TANGO6: variants seen among roughly 807,000 people sequenced by gnomAD.
The protein encoded by TANGO6 is transport and Golgi organization protein 6 homolog.
Under a neutral mutation model 114.2 loss-of-function variants are expected in TANGO6, and 90 were observed. That is an observed-to-expected ratio of 0.79 (90% confidence interval 0.66 to 0.94). The LOEUF (loss-of-function observed/expected upper bound fraction) is 0.94, where lower values mean the gene tolerates loss of function less well. Ranked by LOEUF, TANGO6 falls within the 40% of genes least tolerant of loss-of-function variation. TANGO6 has a pLI of 0.00. For synonymous variants in TANGO6, 477 were observed against 509.8 expected, an observed-to-expected ratio of 0.94 and a Z score of 0.87; for missense variants, 1,274 against 1,315.3, an observed-to-expected ratio of 0.97 and a Z score of 0.49.
intron 7 of TANGO6, among the ~76,000 whole-genome samples, chr16:68,891,111 G>C (rs1430344194): frequency 1.3e-5 from 2 of 151,462 alleles, no homozygotes; most frequent in Non-Finnish European, 2.9e-5. Context: ...GGCCAACGTG[G>C]TGAAACCCCA....
At chr16:68,970,299 AT>A (rs937979505) in intron 14 of TANGO6, among the ~76,000 whole-genome samples, 3 of 152,208 alleles carry the variant, frequency 2.0e-5, no homozygotes, top group Non-Finnish European at 2.9e-5. Context: ...TCCAGAGCTC[AT>A]TTGGCCAGGA....
chr16:68,946,540 T>C (rs142855511), intron 14 of TANGO6, among the ~76,000 whole-genome samples: 1 of 152,132 alleles, frequency 6.6e-6, no homozygotes, highest in Non-Finnish European at 1.5e-5. Context: ...CAAGTTGGTG[T>C]GTAGTGGTGC....
At chr16:68,916,992 C>T (rs754980592) in intron 11 of TANGO6, among the ~76,000 whole-genome samples, 15 of 152,160 alleles carry the variant, frequency 9.9e-5, no homozygotes, top group Non-Finnish European at 1.8e-4. Context: ...ATTTGCAATG[C>T]CCTGTATCTA....
At chr16:69,053,062 C>G (rs1330624534) in intron 17 of TANGO6, among the ~76,000 whole-genome samples, 1 of 152,022 alleles carries the variant, frequency 6.6e-6, no homozygotes, top group Non-Finnish European at 1.5e-5. Flanking sequence ...GAGCCGAGAT[C>G]GTGCCACTGT....
intron 17 of TANGO6, among the ~76,000 whole-genome samples, chr16:69,063,036 T>C (rs1960148097): frequency 6.6e-6 from 1 of 151,742 alleles, no homozygotes; most frequent in African/African-American, 2.4e-5. Flanking sequence ...GAGACCAACC[T>C]GGCCAACATG....
Position 69,084,850 on chromosome 16 carries a change from C to A in TANGO6, c.*1189C>A, listed in dbSNP as rs1960514482. ...CTCGAGTGACTGAAGGATCTATACA[C>A]AAACATGGCTATTTGCTAGTTAACA... On this transcript the variant is annotated 3_prime_UTR_variant, in exon 18 of 18. Transcript: ENST00000261778. The A allele has an allele frequency of 6.6e-6, 1 of 152,342 alleles. No homozygotes were observed. The highest frequency in any genetic ancestry group is 1.5e-5 in the Non-Finnish European group (1 of 68,036). 9.4% of individuals were successfully genotyped at this position (152,342 alleles called of 1,614,324 possible).
At chr16:68,929,956 A>G (rs1454078779) in intron 13 of TANGO6, among the ~76,000 whole-genome samples, 2 of 152,200 alleles carry the variant, frequency 1.3e-5, no homozygotes, top group African/African-American at 2.4e-5. Context: ...GTTATTCACC[A>G]TGGCTGTCAT....
At chr16:68,963,000 A>C (rs1331392907) in intron 14 of TANGO6, among the ~76,000 whole-genome samples, 1 of 150,194 alleles carries the variant, frequency 6.7e-6, no homozygotes, top group African/African-American at 2.4e-5. Flanking sequence ...AGGCTGAGGC[A>C]GGAGAATGCC....
At chr16:68,887,278 A>G (rs577354185) in intron 7 of TANGO6, among the ~76,000 whole-genome samples, 3 of 152,296 alleles carry the variant, frequency 2.0e-5, no homozygotes, top group African/African-American at 4.8e-5. Context: ...CACCATTGCC[A>G]CCACCCACCC....
At chr16:69,080,729 A>G (rs1490369357) in intron 17 of TANGO6, among the ~76,000 whole-genome samples, 2 of 152,186 alleles carry the variant, frequency 1.3e-5, no homozygotes, top group Non-Finnish European at 2.9e-5. Context: ...TTTTCAATAA[A>G]AATAAAAAAT....
intron 1 of TANGO6, among the ~76,000 whole-genome samples, chr16:68,855,858 C>T (rs957016141): frequency 6.7e-6 from 1 of 149,682 alleles, no homozygotes; most frequent in African/African-American, 2.5e-5. Flanking sequence ...GCACTCTAGC[C>T]TTGACAGAGC....
intron 8 of TANGO6, 121 bp downstream of exon 8, chr16:68,900,667 G>A (rs540668175): frequency 1.2e-6 from 1 of 807,862 alleles, no homozygotes; most frequent in African/African-American, 1.7e-5. Flanking sequence ...TTCAAAGTCA[G>A]GAAAACACTG....
intron 12 of TANGO6, among the ~76,000 whole-genome samples, chr16:68,920,189 CTG>C (rs1728256766): frequency 6.6e-6 from 1 of 152,194 alleles, no homozygotes; most frequent in Non-Finnish European, 1.5e-5. Context: ...CACTAAATGA[CTG>C]TTCAGAAATG....
At chr16:68,930,179 C>A in intron 13 of TANGO6, 59 bp from the exon 14 acceptor site, 1 of 1,419,288 alleles carries the variant, frequency 7.0e-7, no homozygotes, top group Non-Finnish European at 9.7e-7. Context: ...GATAAGGGAG[C>A]CTCTTAAATC....
chr16:68,967,122 C>T (rs1017808671), intron 14 of TANGO6, among the ~76,000 whole-genome samples: 2 of 152,084 alleles, frequency 1.3e-5, no homozygotes, highest in Non-Finnish European at 2.9e-5. Context: ...GGCTGTGTTG[C>T]CCAGGCTGGA....
At chr16:68,879,119 TAGAA>T (rs758670003) in intron 6 of TANGO6, among the ~76,000 whole-genome samples, 3 of 152,068 alleles carry the variant, frequency 2.0e-5, no homozygotes, top group Non-Finnish European at 2.9e-5. Context: ...TCTAAATAAA[TAGAA>T]AGACTTATTA....
intron 14 of TANGO6, among the ~76,000 whole-genome samples, chr16:68,964,705 T>G (rs1963627905): frequency 6.6e-6 from 1 of 151,842 alleles, no homozygotes; most frequent in Non-Finnish European, 1.5e-5. Flanking sequence ...TAGCTGGGAT[T>G]CTAGGGATGC....
intron 16 of TANGO6, 119 bp downstream of exon 16, chr16:69,023,098 A>T: frequency 9.3e-7 from 1 of 1,071,018 alleles, no homozygotes; most frequent in Non-Finnish European, 1.3e-6. Flanking sequence ...CCTCCCTGTG[A>T]GACAGGGCAA....
intron 15 of TANGO6, among the ~76,000 whole-genome samples, chr16:68,993,067 C>CA (rs569951475): frequency 0.011 from 1,451 of 134,960 alleles, 23 homozygotes; most frequent in African/African-American, 0.036. Context: ...GACTCTGTCT[C>CA]AAAAAAAAAA....
Sources: allele counts gnomAD v4.1 joint callset (sites outside exome capture counted in the v4.1 genomes callset), GRCh38; gene constraint gnomAD v4.1.1; transcripts MANE v1.5; gene names NCBI Gene and HGNC (gene_info 2026-07-23, HGNC 2026-07-21).